ANKRD55: variants seen among roughly 807,000 people sequenced by gnomAD.
ANKRD55 encodes ankyrin repeat domain-containing protein 55.
Under a neutral mutation model 60.6 loss-of-function variants are expected in ANKRD55, and 41 were observed. The ratio of observed to expected loss-of-function variants is 0.68; its 90% CI spans 0.53 to 0.88. The LOEUF is 0.88. Among genes scored for constraint, ANKRD55 ranks in the 40% least tolerant of loss-of-function variants. ANKRD55 has a pLI of 0.00. For missense variants in ANKRD55, 732 were observed against 767.6 expected (o/e 0.95, Z 0.55); for synonymous variants, 264 against 290.3 (o/e 0.91, Z 0.92).
chr5:56,192,699 C>A, intron 2 of ANKRD55: 1 of 1,360,840 alleles, frequency 7.3e-7, no homozygotes, highest in South Asian at 1.2e-5. Flanking sequence ...GCGAGGCATT[C>A]AGATGATAAT....
At position 56,176,275 on chromosome 5, in the gene ANKRD55, CGTG is replaced by C; in HGVS notation, c.186_188del (p.Cys62_Thr63delinsTrp). 1.2e-6 allele frequency: 2 copies of C among 1,614,152 alleles called. No individual in the cohort carries two copies. The highest frequency in any genetic ancestry group is 1.7e-6 in the Non-Finnish European group (2 of 1,180,020). On this transcript the variant is annotated inframe_deletion, in exon 4 of 12. Transcript: ENST00000341048. ...GTCCAGAAACCGCATGCATCAAGGGCGTGCATCCTGGAATGAGACATTTCAACA... is the reference window on the plus strand; with the variant it reads ...GTCCAGAAACCGCATGCATCAAGGGCCATCCTGGAATGAGACATTTCAACA...
Position 56,107,743 on chromosome 5 carries a change from C to A in ANKRD55, c.1630+3375G>T, listed in dbSNP as rs147513963. Among the ~76,000 whole-genome samples, 936 of 152,196 alleles carry A rather than the reference C, an allele frequency of 6.1e-3. 4 individuals carry two copies. The highest frequency in any genetic ancestry group is 8.3e-3 in the Non-Finnish European group (567 of 68,016). The stretch of plus-strand genomic sequence containing the variant: ...CCTTCCTCCTGCTCCATCAGCCCCT[C>A]GAGGAGAGAAGCCATACATTAGGTG... On this transcript the variant is annotated intron_variant, in intron 10 of 11. Transcript: ENST00000341048.
intron 7 of ANKRD55, chr5:56,137,639 G>T: frequency 7.7e-6 from 4 of 516,556 alleles, no homozygotes; most frequent in East Asian, 3.5e-5. Flanking sequence ...ATGACTTTTA[G>T]ATACTGAAAT....
intron 6 of ANKRD55, among the ~76,000 whole-genome samples, chr5:56,154,750 G>A (rs1398637170): frequency 6.6e-6 from 1 of 151,974 alleles, no homozygotes; most frequent in Non-Finnish European, 1.5e-5. Flanking sequence ...CACTACAGCC[G>A]GCTAATTTTC....
chr5:56,145,574 C>T (rs1282227182), intron 6 of ANKRD55, among the ~76,000 whole-genome samples: 1 of 152,192 alleles, frequency 6.6e-6, no homozygotes, highest in African/African-American at 2.4e-5. Flanking sequence ...ACTGAGATTT[C>T]AAGTCGTTTG....
intron 9 of ANKRD55, 31 bp from the exon 10 acceptor site, chr5:56,111,813 T>C (rs758775145): frequency 1.4e-6 from 2 of 1,466,430 alleles, no homozygotes; most frequent in Non-Finnish European, 9.0e-7. Context: ...AGGGATGATA[T>C]GTGAGTATGG....
At chr5:56,181,223 CA>C (rs908997502) in intron 3 of ANKRD55, among the ~76,000 whole-genome samples, 89 of 152,242 alleles carry the variant, frequency 5.8e-4, no homozygotes, top group African/African-American at 2.0e-3. Context: ...TGCCCTTTTG[CA>C]CTCATATTAA....
At chr5:56,156,728 T>C (rs1267921008) in intron 6 of ANKRD55, among the ~76,000 whole-genome samples, 1 of 152,098 alleles carries the variant, frequency 6.6e-6, no homozygotes, top group Non-Finnish European at 1.5e-5. Flanking sequence ...ATGGGCAGAG[T>C]GACCAGAGTG....
chr5:56,166,107 T>TTTCTTTCTTTCTTTCTTTC (rs1561277644), intron 5 of ANKRD55, among the ~76,000 whole-genome samples: 11 of 61,434 alleles, frequency 1.8e-4, no homozygotes, highest in East Asian at 7.0e-4. Flanking sequence ...TCTTTCTTTC[T>TTTCTTTCTTTCTTTCTTTC]TTCTTTCTTT....
chr5:56,115,609 A>G (rs1025457111), intron 9 of ANKRD55, among the ~76,000 whole-genome samples: 5 of 152,180 alleles, frequency 3.3e-5, no homozygotes, highest in Non-Finnish European at 7.3e-5. Flanking sequence ...GGTGTGAGCC[A>G]CCATGCCCAG....
chr5:56,111,472 G>A lies in ANKRD55; in HGVS notation c.1276C>T (p.Arg426Cys), dbSNP rs772756747. Reference sequence around the variant, plus strand: ...GTTCTGATTGGTGGAAGCCCCTTACGGGCCAGCGGTTTCTTTTCTGGTAAG... The same window carrying A: ...GTTCTGATTGGTGGAAGCCCCTTACAGGCCAGCGGTTTCTTTTCTGGTAAG... ...YLLPEKKPLA[R>C]KGLPPIRTQS... Residue 426 changes from arginine to cysteine, a missense_variant, in exon 10 of 12, where the codon CGT becomes TGT. This residue lies in a region of ANKRD55 where 597 missense variants were observed against 607.5 expected (regional missense o/e 0.98). Transcript: ENST00000341048. 154 of 1,614,154 alleles carry A rather than the reference G, an allele frequency of 9.5e-5. No individual in the cohort carries two copies. The highest frequency in any genetic ancestry group is 7.5e-4 in the South Asian group (68 of 91,080).
intron 7 of ANKRD55, among the ~76,000 whole-genome samples, chr5:56,136,789 G>GC (rs59351990): frequency 0.24 from 37,156 of 151,776 alleles, 6,244 homozygotes; most frequent in African/African-American, 0.47. Flanking sequence ...AGGCATTGTG[G>GC]GTGTGCCTAT....
At chr5:56,180,176 A>G (rs1305044277) in intron 3 of ANKRD55, among the ~76,000 whole-genome samples, 1 of 152,158 alleles carries the variant, frequency 6.6e-6, no homozygotes, top group Non-Finnish European at 1.5e-5. Flanking sequence ...ACCCACTCCC[A>G]TGATTACTAA....
In ANKRD55 at chr5:56,183,648, A is replaced by C. The variant is rs765504712; in HGVS notation, c.59-14T>G. On this transcript the variant is annotated splice_polypyrimidine_tract_variant and intron_variant, in intron 2 of 11. Coordinates refer to ENST00000341048, the MANE Select transcript of ANKRD55 (RefSeq NM_024669.3). ...CAGATGAGTCACCTTCATGCATAAA[A>C]CAGACACAATGTTAGTGTGTGGAGC... The C allele has an allele frequency of 2.7e-5, 44 of 1,613,758 alleles. No homozygotes were observed. In the South Asian group the frequency reaches 4.3e-4, roughly 16 times the overall value.
intron 2 of ANKRD55, among the ~76,000 whole-genome samples, chr5:56,222,067 C>T (rs1759980023): frequency 6.6e-6 from 1 of 152,054 alleles, no homozygotes. Context: ...TCCCTGACCC[C>T]CGAGTAGCCT....
At chr5:56,114,055 G>T (rs545575459) in intron 9 of ANKRD55, 1 of 150,382 alleles carries the variant, frequency 6.6e-6, no homozygotes, top group African/African-American at 2.4e-5. Flanking sequence ...TGGGCCAGGC[G>T]TGGTGGCTCA....
At chr5:56,100,389 A>G in intron 11 of ANKRD55, 85 bp from the exon 12 acceptor site, 1 of 1,532,936 alleles carries the variant, frequency 6.5e-7, no homozygotes, top group Non-Finnish European at 9.0e-7. Flanking sequence ...GTGTTTTAGG[A>G]GTCGAGGCAT....
At chr5:56,227,683 C>T (rs944995560) in intron 2 of ANKRD55, among the ~76,000 whole-genome samples, 12 of 151,744 alleles carry the variant, frequency 7.9e-5, no homozygotes, top group African/African-American at 1.5e-4. Context: ...GAAAGAACAC[C>T]GGTTTTGAAG....
intron 2 of ANKRD55, among the ~76,000 whole-genome samples, chr5:56,188,261 C>T (rs1413262805): frequency 6.6e-6 from 1 of 152,070 alleles, no homozygotes; most frequent in Admixed American, 6.5e-5. Context: ...TTGCTTTATT[C>T]TACCACCCAT....
Sources: gnomAD v4.1 joint callset for allele counts (sites outside exome capture counted in the v4.1 genomes callset) on GRCh38, gnomAD v4.1.1 for gene constraint, gnomAD v4.1.1 regional missense constraint, MANE v1.5 for transcripts, NCBI Gene and HGNC (gene_info 2026-07-23, HGNC 2026-07-21) for gene names.